CLASP1: variants seen among roughly 807,000 people sequenced by gnomAD.
CLASP1 encodes the protein CLIP-associating protein 1.
In CLASP1, 38 loss-of-function variants were observed where a neutral mutation model predicts 192.3. That is an observed-to-expected ratio of 0.20 (90% confidence interval 0.15 to 0.26). CLASP1 has a LOEUF of 0.26. Ranked by LOEUF, CLASP1 falls within the 10% of genes least tolerant of loss-of-function variation. CLASP1 has a pLI of 1.00. For synonymous variants in CLASP1, 691 were observed against 712.8 expected (o/e 0.97, Z 0.49); for missense variants, 1,433 against 1,932.5 (o/e 0.74, Z 4.85).
intron 2 of CLASP1, among the ~76,000 whole-genome samples, chr2:121,535,910 T>C (rs2095053778): frequency 6.6e-6 from 1 of 151,758 alleles, no homozygotes; most frequent in African/African-American, 2.4e-5. Flanking sequence ...GATCCGACTG[T>C]GTTGGCCTCC....
intron 21 of CLASP1, among the ~76,000 whole-genome samples, chr2:121,426,107 T>C (rs72967384): frequency 2.2e-3 from 336 of 152,178 alleles, no homozygotes; most frequent in African/African-American, 7.8e-3. Flanking sequence ...ATCACACCAC[T>C]GCACTTCAGA....
exon 17 of CLASP1, chr2:121,448,983 C>T (rs765350056): frequency 1.4e-5 from 22 of 1,613,850 alleles, no homozygotes; most frequent in South Asian, 4.4e-5. Context: ...GGAAGATGAG[C>T]GGTCTGACTG....
intron 37 of CLASP1, among the ~76,000 whole-genome samples, chr2:121,358,721 T>C (rs1165510204): frequency 1.3e-5 from 2 of 152,222 alleles, no homozygotes; most frequent in African/African-American, 4.8e-5. Context: ...AAAAGTTAAC[T>C]AGAAATGATT....
chr2:121,361,056 A>G (rs1188211428), intron 37 of CLASP1, among the ~76,000 whole-genome samples: 3 of 152,360 alleles, frequency 2.0e-5, no homozygotes, highest in Middle Eastern at 6.8e-3. Context: ...CTTTAGACAG[A>G]TATCTTCCAA....
At chr2:121,423,572 T>G (rs919297004) in intron 22 of CLASP1, among the ~76,000 whole-genome samples, 4 of 152,138 alleles carry the variant, frequency 2.6e-5, no homozygotes, top group Admixed American at 2.0e-4. Flanking sequence ...TCCTATAAAC[T>G]TAAACAATTA....
chr2:121,371,200 A>AGTGTGTGT (rs60214641), intron 34 of CLASP1, among the ~76,000 whole-genome samples: 2 of 150,346 alleles, frequency 1.3e-5, no homozygotes, highest in East Asian at 1.9e-4. Context: ...GCACATATTA[A>AGTGTGTGT]GTGTGTGTGT....
chr2:121,547,393 C>T (rs1282975820), intron 2 of CLASP1, among the ~76,000 whole-genome samples: 2 of 151,850 alleles, frequency 1.3e-5, no homozygotes, highest in Non-Finnish European at 2.9e-5. Context: ...GGCCCACCCA[C>T]CCCCCTACTC....
chr2:121,564,510 T>C (rs1336753000), intron 2 of CLASP1, among the ~76,000 whole-genome samples: 1 of 152,226 alleles, frequency 6.6e-6, no homozygotes, highest in East Asian at 1.9e-4. Flanking sequence ...GACAGATTTA[T>C]CACCTGTACT....
intron 8 of CLASP1, among the ~76,000 whole-genome samples, chr2:121,498,059 C>T (rs1021925794): frequency 3.3e-5 from 5 of 152,004 alleles, no homozygotes; most frequent in Admixed American, 6.6e-5. Context: ...GGGGTTTCAC[C>T]GTGTTGCCCA....
At chr2:121,440,802 A>T (rs553242078) in intron 19 of CLASP1, among the ~76,000 whole-genome samples, 2 of 150,684 alleles carry the variant, frequency 1.3e-5, no homozygotes, top group East Asian at 3.9e-4. Flanking sequence ...GAGAAAAAAA[A>T]GTCAGCACAA....
At chr2:121,472,687 C>A (rs998163782) in intron 8 of CLASP1, among the ~76,000 whole-genome samples, 1 of 152,166 alleles carries the variant, frequency 6.6e-6, no homozygotes, top group Non-Finnish European at 1.5e-5. Flanking sequence ...CTAGGCCTCA[C>A]GTGTGTGAGT....
At chr2:121,603,096 T>G (rs1375764372) in intron 2 of CLASP1, 1 of 151,736 alleles carries the variant, frequency 6.6e-6, no homozygotes, top group Admixed American at 6.6e-5. Context: ...AATTTAGCAG[T>G]GGGGAGTTGT....
chr2:121,463,857 T>C (rs1202577948), intron 9 of CLASP1, among the ~76,000 whole-genome samples: 2 of 151,382 alleles, frequency 1.3e-5, no homozygotes, highest in Non-Finnish European at 2.9e-5. Context: ...ATTTTATTAT[T>C]ATTATACTTT....
At chr2:121,392,953 T>TA (rs2074635792) in intron 30 of CLASP1, among the ~76,000 whole-genome samples, 1 of 152,308 alleles carries the variant, frequency 6.6e-6, no homozygotes, top group South Asian at 2.1e-4. Flanking sequence ...GTTTTGATTT[T>TA]AAAAACACCT....
chr2:121,603,110 C>A (rs1322838127), intron 2 of CLASP1: 1 of 151,422 alleles, frequency 6.6e-6, no homozygotes, highest in Non-Finnish European at 1.5e-5. Flanking sequence ...GAGTTGTATA[C>A]CAACTTTAGT....
In CLASP1 at chr2:121,530,208, T is replaced by A. The variant is rs758890831; in HGVS notation, c.274+39A>T. The stretch of plus-strand genomic sequence containing the variant: ...GGAGGCCGAGGGAAGGCTGGGGGTC[T>A]GAAGGGGCCGGGTCCGCTCCACAAG... On this transcript the variant is annotated intron_variant, in intron 3 of 39. Coordinates refer to ENST00000263710, the Ensembl canonical transcript of CLASP1. 4 of 1,525,702 alleles carry A rather than the reference T, an allele frequency of 2.6e-6. No homozygotes were observed. The South Asian group carries it at 4.8e-5, about 18-fold the overall frequency. 94.5% of individuals were successfully genotyped at this position (1,525,702 alleles called of 1,614,324 possible).
chr2:121,394,240 C>A (rs2074896491), intron 30 of CLASP1, among the ~76,000 whole-genome samples: 1 of 152,174 alleles, frequency 6.6e-6, no homozygotes, highest in Non-Finnish European at 1.5e-5. Flanking sequence ...TTGAGTTAAT[C>A]CAAAGGGAGA....
chr2:121,438,465 T>C (rs1368344131), intron 19 of CLASP1, among the ~76,000 whole-genome samples: 3 of 152,196 alleles, frequency 2.0e-5, no homozygotes, highest in Non-Finnish European at 2.9e-5. Flanking sequence ...TACAGCCCCC[T>C]TGTCAATGCT....
At chr2:121,424,537 A>G (rs1402948193) in intron 22 of CLASP1, among the ~76,000 whole-genome samples, 1 of 152,202 alleles carries the variant, frequency 6.6e-6, no homozygotes, top group African/African-American at 2.4e-5. Flanking sequence ...TTTTAAATGG[A>G]ACAAAAGGTA....
Sources: allele counts gnomAD v4.1 joint callset (sites outside exome capture counted in the v4.1 genomes callset), GRCh38; gene constraint gnomAD v4.1.1; transcripts MANE v1.5; gene names NCBI Gene and HGNC (gene_info 2026-07-23, HGNC 2026-07-21).